KCNJ1: variants seen among roughly 807,000 people sequenced by gnomAD.
The protein encoded by KCNJ1 is ATP-sensitive inward rectifier potassium channel 1.
A neutral mutation model predicts 21.9 loss-of-function variants in KCNJ1; 24 were observed. The observed-to-expected ratio is 1.10, with a 90% confidence interval of 0.79 to 1.54. The LOEUF is 1.54. Among genes scored for constraint, KCNJ1 ranks in the 40% most tolerant of loss-of-function variants. The probability of loss-of-function intolerance (pLI) is 0.00; values close to 1 mark genes in which losing one functional copy is unlikely to be tolerated. For synonymous variants in KCNJ1, 152 were observed against 160.9 expected, an observed-to-expected ratio of 0.94 and a Z score of 0.42; for missense variants, 457 against 455.4, an observed-to-expected ratio of 1.00 and a Z score of -0.03.
chr11:128,861,028 A>C (rs1017132216), intron 1 of KCNJ1, among the ~76,000 whole-genome samples: 1 of 152,240 alleles, frequency 6.6e-6, no homozygotes, highest in Non-Finnish European at 1.5e-5. Context: ...ATCTGCCTCA[A>C]GTGTCCTGCC....
chr11:128,839,770 G>A lies in KCNJ1; in HGVS notation c.474C>T (p.Ala158=). ...GVIINSFMCG[A]ILAKISRPKK... ...TGGGCCTGGAGATCTTGGCTAAGAT[G>A]GCCCCACACATGAAAGAATTGATTA... Residue 158 remains alanine (A), a synonymous_variant, in exon 3 of 3, where the codon GCC becomes GCT. Transcript: ENST00000392666. 6.2e-7 allele frequency: 1 copy of A among 1,613,978 alleles called. No individual in the cohort carries two copies.
In KCNJ1 at chr11:128,842,400, C is replaced by T. The variant is rs752939897; in HGVS notation, c.-21-2136G>A. 2.5e-6 allele frequency: 4 copies of T among 1,613,826 alleles called. No individual in the cohort carries two copies. The South Asian group carries it at 4.4e-5, about 18-fold the overall frequency. On this transcript the variant is annotated intron_variant, in intron 2 of 2. Transcript: ENST00000392666. ...CACTTACCAACGTGTCAAACACATT[C>T]CGACTGGAAGCATTCATGGCTGGAA...
rs550499490 is a variant in KCNJ1, at chr11:128,838,081, C to T, written c.*1044G>A. 6.6e-6 allele frequency: 1 copy of T among 152,570 alleles called. No homozygotes were observed. The highest frequency in any genetic ancestry group is 2.1e-4 in the South Asian group (1 of 4,832). 9.5% of individuals were successfully genotyped at this position (152,570 alleles called of 1,614,324 possible). On this transcript the variant is annotated 3_prime_UTR_variant, in exon 3 of 3. Transcript: ENST00000392666. ...TGAAAACATTTTGATTCCTAAGCAG[C>T]TTTGAGTACCAGTTTTTTTCCAGGA...
intron 1 of KCNJ1, among the ~76,000 whole-genome samples, chr11:128,853,806 C>T (rs1033614598): frequency 2.6e-5 from 4 of 152,234 alleles, no homozygotes; most frequent in Non-Finnish European, 4.4e-5. Context: ...TCAGCACCTG[C>T]CTTCTCTAGC....
At chr11:128,848,569 G>A (rs998144002) in intron 2 of KCNJ1, among the ~76,000 whole-genome samples, 10 of 152,080 alleles carry the variant, frequency 6.6e-5, no homozygotes, top group African/African-American at 2.2e-4. Context: ...GCATGTCTCA[G>A]CTGTATGAAG....
At chr11:128,853,567 G>T (rs1220055408) in intron 1 of KCNJ1, among the ~76,000 whole-genome samples, 3 of 152,186 alleles carry the variant, frequency 2.0e-5, no homozygotes, top group African/African-American at 7.2e-5. Context: ...AAATGTTCCG[G>T]TATTGATTGT....
At position 128,839,483 on chromosome 11, in the gene KCNJ1, T is replaced by A; in HGVS notation, c.761A>T (p.Asp254Val). The A allele has an allele frequency of 6.2e-7, 1 of 1,614,198 alleles. No individual in the cohort carries two copies. The highest frequency in any genetic ancestry group is 8.5e-7 in the Non-Finnish European group (1 of 1,180,028). Residue 254 changes from aspartate (D) to valine (V), a missense_variant, in exon 3 of 3, where the codon GAT (aspartate) becomes GTT (valine). Asp to Val is a radical substitution (Grantham distance 152, BLOSUM62 -3). Transcript: ENST00000392666. The part of the protein sequence containing the change: ...ISPLTIYHVI[D>V]HNSPFFHMAA... ...CATGTGGAAGAAAGGGCTGTTGTGA[T>A]CAATGACATGGTAAATTGTCAATGG...
intron 1 of KCNJ1, among the ~76,000 whole-genome samples, chr11:128,864,882 A>T (rs937518275): frequency 2.6e-5 from 4 of 151,994 alleles, no homozygotes; most frequent in Non-Finnish European, 5.9e-5. Context: ...ACCCTACTCT[A>T]GTCCACCTTG....
chr11:128,858,132 T>G (rs1304944492), intron 1 of KCNJ1, among the ~76,000 whole-genome samples: 4 of 108,548 alleles, frequency 3.7e-5, no homozygotes, highest in Non-Finnish European at 5.6e-5. Flanking sequence ...TGGGGAGGGA[T>G]GGTGAGGGAA....
At chr11:128,851,024 G>T (rs1427794541) in intron 1 of KCNJ1, 134 bp from the exon 2 acceptor site, 1 of 283,268 alleles carries the variant, frequency 3.5e-6, no homozygotes, top group Non-Finnish European at 5.3e-6. Flanking sequence ...AGAAAGGTCA[G>T]CTTGGGCTCC....
chr11:128,860,044 A>AGGGCACTGCGCAAGAGAGGT (rs143201184), intron 1 of KCNJ1, among the ~76,000 whole-genome samples: 14,519 of 152,076 alleles, frequency 0.095, 989 homozygotes, highest in East Asian at 0.24. Context: ...GCGCCTGCCG[A>AGGGCACTGCGCAAGAGAGGT]GGGCACTGCG....
rs1943466905 is a variant in KCNJ1 at position 128,850,776 on chromosome 11, TTGG to T, written c.-80_-78del. 2.0e-6 allele frequency: 2 copies of T among 985,338 alleles called. No individual in the cohort carries two copies. Among genetic ancestry groups the T allele is most frequent in the Admixed American group, 6.1e-5 (1 of 16,268 alleles). The allele number at this position is 985,338 out of a possible 1,614,324, so 61.0% of individuals were successfully genotyped here. On this transcript the variant is annotated 5_prime_UTR_variant, in exon 2 of 3. Transcript: ENST00000392666. The stretch of plus-strand genomic sequence containing the variant: ...TCAAAACTTCATGTATAAGTAGATC[TTGG>T]GGTGACCAGCAAGAGCTGCTTGGTT...
At chr11:128,845,138 G>A (rs1943356381) in intron 2 of KCNJ1, among the ~76,000 whole-genome samples, 2 of 152,252 alleles carry the variant, frequency 1.3e-5, no homozygotes, top group Admixed American at 1.3e-4. Flanking sequence ...GGATTATGGG[G>A]CAGAGCCCCT....
chr11:128,853,076 TCAAAAGAAG>T (rs1319202706), intron 1 of KCNJ1, among the ~76,000 whole-genome samples: 1 of 152,226 alleles, frequency 6.6e-6, no homozygotes, highest in Non-Finnish European at 1.5e-5. Flanking sequence ...TCAAGCCAAA[TCAAAAGAAG>T]CGTTTCAGTC....
intron 1 of KCNJ1, among the ~76,000 whole-genome samples, chr11:128,854,643 G>A (rs1943549923): frequency 6.6e-6 from 1 of 152,170 alleles, no homozygotes; most frequent in African/African-American, 2.4e-5. Flanking sequence ...ACCTCCCACT[G>A]TGCATGTCCA....
chr11:128,860,089 C>T (rs1364726313), intron 1 of KCNJ1, among the ~76,000 whole-genome samples: 2 of 144,898 alleles, frequency 1.4e-5, no homozygotes, highest in Admixed American at 7.2e-5. Context: ...GAAGGGCGCC[C>T]GGAAGGACAC....
chr11:128,847,173 C>T (rs905051732), intron 2 of KCNJ1, among the ~76,000 whole-genome samples: 7 of 152,168 alleles, frequency 4.6e-5, no homozygotes, highest in African/African-American at 1.7e-4. Flanking sequence ...AAGCCTCCCC[C>T]GCCGCATCAC....
intron 2 of KCNJ1, among the ~76,000 whole-genome samples, chr11:128,848,425 C>G (rs1943421882): frequency 6.6e-6 from 1 of 151,936 alleles, no homozygotes; most frequent in Non-Finnish European, 1.5e-5. Context: ...CTCCTGGCCT[C>G]AAGCAATCCT....
In KCNJ1 at chr11:128,839,576, A is replaced by G. The variant is rs1943238385; in HGVS notation, c.668T>C (p.Ile223Thr). 3 of 1,614,150 alleles carry G rather than the reference A, an allele frequency of 1.9e-6. No individual in the cohort carries two copies. The highest frequency in any genetic ancestry group is 2.5e-6 in the Non-Finnish European group (3 of 1,180,008). The part of the protein sequence containing the change: ...KTTVTPEGET[I>T]ILDQININFV... Reference sequence around the variant, plus strand: ...GTTGATATTGATCTGGTCCAAAATAATGGTCTCTCCTTCAGGAGTGACTGT... The same window carrying G: ...GTTGATATTGATCTGGTCCAAAATAGTGGTCTCTCCTTCAGGAGTGACTGT... The change falls in exon 3 of 3, where the codon ATT becomes ACT. Residue 223 changes from isoleucine (I) to threonine (T), a missense_variant. Coordinates refer to ENST00000392666, the MANE Select transcript of KCNJ1 (RefSeq NM_153766.3).
Sources: allele counts gnomAD v4.1 joint callset (sites outside exome capture counted in the v4.1 genomes callset), GRCh38; gene constraint gnomAD v4.1.1; transcripts MANE v1.5; gene names NCBI Gene and HGNC (gene_info 2026-07-23, HGNC 2026-07-21).